The following FILIP1L variants were observed in gnomAD, a reference collection of about 807,000 sequenced individuals.
FILIP1L encodes the protein filamin A-interacting protein 1-like.
In FILIP1L, 55 loss-of-function variants were observed where a neutral mutation model predicts 96.6. The observed-to-expected ratio is 0.57, with a 90% CI of 0.46 to 0.71. The LOEUF (loss-of-function observed/expected upper bound fraction) is 0.71, where lower values mean the gene tolerates loss of function less well. Ranked by LOEUF, FILIP1L falls within the 30% of genes least tolerant of loss-of-function variation. The pLI is 0.00. For missense variants in FILIP1L, 1,304 were observed against 1,321.2 expected, an observed-to-expected ratio of 0.99 and a Z score of 0.20; for synonymous variants, 467 against 473.9, an observed-to-expected ratio of 0.99 and a Z score of 0.19.
intron 4 of FILIP1L, among the ~76,000 whole-genome samples, chr3:99,913,674 C>G (rs1163713079): frequency 6.6e-6 from 1 of 152,216 alleles, no homozygotes; most frequent in Non-Finnish European, 1.5e-5. Flanking sequence ...AAGATAAATA[C>G]AAGAAACTAT....
intron 1 of FILIP1L, among the ~76,000 whole-genome samples, chr3:100,066,343 T>C (rs548444911): frequency 1.1e-4 from 16 of 152,322 alleles, no homozygotes; most frequent in African/African-American, 3.8e-4. Flanking sequence ...GTTACACTTT[T>C]TTATTTCTCC....
intron 1 of FILIP1L, among the ~76,000 whole-genome samples, chr3:99,983,389 A>ATATATATATATAT (rs1559713312): frequency 2.5e-5 from 1 of 40,788 alleles, no homozygotes; most frequent in African/African-American, 1.0e-4. Flanking sequence ...TAAATAAATA[A>ATATATATATATAT]ATATATATAT....
intron 1 of FILIP1L, among the ~76,000 whole-genome samples, chr3:99,986,010 T>C (rs560412041): frequency 2.4e-4 from 37 of 152,332 alleles, no homozygotes; most frequent in African/African-American, 7.2e-4. Flanking sequence ...CTTAATGAGA[T>C]ACAGTTTGCA....
intron 4 of FILIP1L, among the ~76,000 whole-genome samples, chr3:99,923,985 T>C (rs1232587108): frequency 6.6e-6 from 1 of 152,266 alleles, no homozygotes; most frequent in East Asian, 1.9e-4. Context: ...CTTTGCAGCC[T>C]TCACAGGGCA....
chr3:100,047,510 C>T (rs1041234832), intron 1 of FILIP1L, among the ~76,000 whole-genome samples: 5 of 152,242 alleles, frequency 3.3e-5, no homozygotes, highest in African/African-American at 1.2e-4. Context: ...CTGAAACCAG[C>T]GAGGGTCATA....
chr3:100,077,907 C>CA (rs975837604), intron 1 of FILIP1L, among the ~76,000 whole-genome samples: 4 of 151,018 alleles, frequency 2.6e-5, no homozygotes, highest in Non-Finnish European at 4.4e-5. Context: ...GACCCTGTCT[C>CA]AAAAAAAATA....
At chr3:100,025,700 C>T (rs1576651002) in intron 1 of FILIP1L, 2 of 152,188 alleles carry the variant, frequency 1.3e-5, no homozygotes, top group South Asian at 4.2e-4. Flanking sequence ...ACATTGTTAC[C>T]AGGCACTTTA....
At chr3:100,073,568 T>G (rs2065796762) in intron 1 of FILIP1L, among the ~76,000 whole-genome samples, 2 of 152,304 alleles carry the variant, frequency 1.3e-5, no homozygotes, top group South Asian at 4.1e-4. Context: ...GGGTCCAGGA[T>G]GCAAGAGAGG....
At chr3:100,098,078 G>A (rs1029053108) in intron 1 of FILIP1L, among the ~76,000 whole-genome samples, 2 of 152,104 alleles carry the variant, frequency 1.3e-5, no homozygotes, top group African/African-American at 4.8e-5. Context: ...CATAGGTCAG[G>A]GACTACTTTG....
chr3:100,049,340 A>G (rs1429174873), intron 1 of FILIP1L, among the ~76,000 whole-genome samples: 2 of 152,194 alleles, frequency 1.3e-5, no homozygotes, highest in Non-Finnish European at 2.9e-5. Context: ...ATGAAACCCT[A>G]GGGTCTTACC....
At chr3:100,005,018 G>A (rs985276900) in intron 1 of FILIP1L, among the ~76,000 whole-genome samples, 5 of 152,182 alleles carry the variant, frequency 3.3e-5, no homozygotes, top group African/African-American at 1.2e-4. Context: ...CTACAAGGCT[G>A]TCATCATGCT....
chr3:99,945,451 A>G (rs2107681538), intron 1 of FILIP1L, among the ~76,000 whole-genome samples: 1 of 152,304 alleles, frequency 6.6e-6, no homozygotes, highest in East Asian at 1.9e-4. Flanking sequence ...GAAAGCACCC[A>G]GGGCAGCCAA....
At chr3:100,111,606 A>G (rs577866459) in intron 1 of FILIP1L, among the ~76,000 whole-genome samples, 26 of 152,308 alleles carry the variant, frequency 1.7e-4, no homozygotes, top group African/African-American at 5.8e-4. Context: ...CTTTCAGTGT[A>G]GGCTCCAGTG....
At chr3:99,961,808 T>C (rs1419623805) in intron 1 of FILIP1L, among the ~76,000 whole-genome samples, 4 of 152,352 alleles carry the variant, frequency 2.6e-5, no homozygotes, top group Non-Finnish European at 4.4e-5. Context: ...CAAACATCTT[T>C]AGGTCTGCCA....
chr3:99,837,054 C>T (rs1942929173), intron 5 of FILIP1L, among the ~76,000 whole-genome samples: 1 of 152,198 alleles, frequency 6.6e-6, no homozygotes, highest in Non-Finnish European at 1.5e-5. Flanking sequence ...CTAGTCTTCT[C>T]ATTGTCCTTA....
intron 1 of FILIP1L, among the ~76,000 whole-genome samples, chr3:100,007,769 A>G (rs1405497371): frequency 6.6e-6 from 1 of 152,176 alleles, no homozygotes; most frequent in African/African-American, 2.4e-5. Context: ...GTGATATAGT[A>G]CTGATAGAAA....
intron 1 of FILIP1L, among the ~76,000 whole-genome samples, chr3:99,978,672 A>G: frequency 6.6e-6 from 1 of 152,150 alleles, no homozygotes. Flanking sequence ...AGGTGGGTGA[A>G]TCACATGAGG....
intron 1 of FILIP1L, among the ~76,000 whole-genome samples, chr3:99,995,790 T>G (rs1415291444): frequency 6.6e-6 from 1 of 152,166 alleles, no homozygotes; most frequent in African/African-American, 2.4e-5. Context: ...CAGCTCAAGG[T>G]CTGCGTTGGC....
At chr3:99,979,388 C>G (rs1405374896) in intron 1 of FILIP1L, among the ~76,000 whole-genome samples, 3 of 152,152 alleles carry the variant, frequency 2.0e-5, no homozygotes, top group Non-Finnish European at 1.5e-5. Context: ...AAGCATATCA[C>G]AGTAGAATGA....
Sources: gnomAD v4.1 joint callset for allele counts (sites outside exome capture counted in the v4.1 genomes callset) on GRCh38, gnomAD v4.1.1 for gene constraint, MANE v1.5 for transcripts, NCBI Gene and HGNC (gene_info 2026-07-23, HGNC 2026-07-21) for gene names.